ARHGEF10L: variants seen among roughly 807,000 people sequenced by gnomAD.
ARHGEF10L encodes rho guanine nucleotide exchange factor 10-like protein.
A neutral mutation model predicts 141.2 loss-of-function variants in ARHGEF10L; 69 were observed. The ratio of observed to expected loss-of-function variants is 0.49; its 90% confidence interval spans 0.40 to 0.60. The LOEUF (loss-of-function observed/expected upper bound fraction) is 0.60, where lower values mean the gene tolerates loss of function less well. ARHGEF10L is among the 20% of genes least tolerant of loss of function. The pLI is 0.00. For synonymous variants in ARHGEF10L, 711 were observed against 718.5 expected (o/e 0.99, Z 0.17); for missense variants, 1,482 against 1,734.3 (o/e 0.85, Z 2.58).
At position 17,656,472 on chromosome 1, in the gene ARHGEF10L, C is replaced by G. The variant is rs970480329; in HGVS notation, c.2706-82C>G. ...TGAGAGGGGTCAGCTCCCTGGGGCC[C>G]TCTCCCTAGGAGGGCATGGGGGCAG... On this transcript the variant is annotated intron_variant, in intron 24 of 28. Coordinates refer to ENST00000361221, the MANE Select transcript of ARHGEF10L (RefSeq NM_018125.4). This position sits in a 1 kb window ranked among gnomAD's most constrained non-coding sequence, Gnocchi z 4.9. The G allele has an allele frequency of 4.2e-5, 63 of 1,515,494 alleles. No homozygotes were observed. Among genetic ancestry groups the G allele is most frequent in the Non-Finnish European group, 5.2e-5 (58 of 1,119,260 alleles). 93.9% of individuals were successfully genotyped at this position (1,515,494 alleles called of 1,614,324 possible).
chr1:17,559,095 C>T (rs979204050), intron 1 of ARHGEF10L, among the ~76,000 whole-genome samples: 4 of 152,188 alleles, frequency 2.6e-5, no homozygotes, highest in African/African-American at 4.8e-5. Context: ...CCTTGGCCTC[C>T]GGAATCAGAC....
chr1:17,547,919 G>A (rs2076973542), intron 1 of ARHGEF10L, among the ~76,000 whole-genome samples: 1 of 152,210 alleles, frequency 6.6e-6, no homozygotes, highest in African/African-American at 2.4e-5. Flanking sequence ...TGGGTTCTGG[G>A]AGTAGACGCT....
chr1:17,594,020 G>A (rs544604889), intron 4 of ARHGEF10L, among the ~76,000 whole-genome samples: 26 of 150,592 alleles, frequency 1.7e-4, no homozygotes, highest in East Asian at 7.8e-4. Context: ...CTTCCCTTGC[G>A]TCTTCCTGTC....
the ARHGEF10L span, among the ~76,000 whole-genome samples, chr1:17,523,084 A>ATT: frequency 2.9e-3 from 335 of 115,446 alleles, 1 homozygote; most frequent in Admixed American, 4.3e-3. Flanking sequence ...TTTGTTTTCC[A>ATT]TTTTTTTTTT....
chr1:17,606,061 C>T (rs2081143550), intron 6 of ARHGEF10L, among the ~76,000 whole-genome samples: 2 of 152,246 alleles, frequency 1.3e-5, no homozygotes, highest in Admixed American at 1.3e-4. Flanking sequence ...CTGGGGGGCC[C>T]TGGGTCTATG....
At chr1:17,669,321 G>A (rs2063175218) in intron 26 of ARHGEF10L, among the ~76,000 whole-genome samples, 1 of 152,182 alleles carries the variant, frequency 6.6e-6, no homozygotes, top group African/African-American at 2.4e-5. Flanking sequence ...GGCTTTTTCT[G>A]ACTCCTCCCA....
chr1:17,681,718 G>A (rs978735630), intron 26 of ARHGEF10L, among the ~76,000 whole-genome samples: 6 of 152,186 alleles, frequency 3.9e-5, no homozygotes, highest in African/African-American at 1.4e-4. Context: ...TTAGGGTAGC[G>A]TCGGCTGGAT....
At chr1:17,688,445 A>G (rs1025965036) in intron 27 of ARHGEF10L, among the ~76,000 whole-genome samples, 2 of 152,316 alleles carry the variant, frequency 1.3e-5, no homozygotes, top group South Asian at 4.1e-4. Flanking sequence ...CTGGCTTCAG[A>G]GCAGACCACG....
Position 17,634,863 on chromosome 1 carries a change from C to T in ARHGEF10L, c.1774C>T (p.Pro592Ser), listed in dbSNP as rs763931803. The T allele has an allele frequency of 7.4e-6, 12 of 1,613,674 alleles. No homozygotes were observed. The highest frequency in any genetic ancestry group is 6.8e-6 in the Non-Finnish European group (8 of 1,179,862). Reference protein sequence around the residue: ...RGQLEISSLVPLGPKYVVKWN... With the variant: ...RGQLEISSLVSLGPKYVVKWN... ...CCAGCTGGAGATCAGCAGCCTGGTG[C>T]CCCTGGGGCCCAAGTATGTGGTGAA... The change falls in exon 18 of 29, where the codon CCC (proline) becomes TCC (serine). Residue 592 changes from proline to serine, a missense_variant. Pro to Ser is a moderately conservative substitution (Grantham distance 74). Coordinates refer to ENST00000361221, the MANE Select transcript of ARHGEF10L (RefSeq NM_018125.4).
intron 25 of ARHGEF10L, among the ~76,000 whole-genome samples, chr1:17,659,713 G>A (rs962887911): frequency 1.3e-5 from 2 of 152,236 alleles, no homozygotes; most frequent in African/African-American, 2.4e-5. Flanking sequence ...GCTGGTGTTT[G>A]AAGTGACATG....
In ARHGEF10L at chr1:17,638,697, G is replaced by GA; in HGVS notation, c.2171+9dup. ...TCCTGGGAAACCCGACAAGTGAGAG[G>GA]AGGGGGTCTTGGAGGGAGGGCTGCT... On this transcript the variant is annotated intron_variant, in intron 20 of 28. Transcript: ENST00000361221. 2 of 1,613,810 alleles carry GA rather than the reference G, an allele frequency of 1.2e-6. No individual in the cohort carries two copies. The highest frequency in any genetic ancestry group is 1.7e-6 in the Non-Finnish European group (2 of 1,179,974).
chr1:17,696,793 TCC>T (rs1319072234), intron 28 of ARHGEF10L, 53 bp from the exon 29 acceptor site: 1 of 1,487,162 alleles, frequency 6.7e-7, no homozygotes, highest in African/African-American at 1.4e-5. Context: ...CTCAGGTGCT[TCC>T]CTTAATGCGC....
At chr1:17,574,744 C>T (rs537618538) in intron 1 of ARHGEF10L, among the ~76,000 whole-genome samples, 2 of 152,354 alleles carry the variant, frequency 1.3e-5, no homozygotes, top group Non-Finnish European at 2.9e-5. Flanking sequence ...GGACTCTCCA[C>T]CAGGTGGCCC....
In ARHGEF10L at chr1:17,588,488, A is replaced by G; in HGVS notation, c.257+9A>G. The G allele has an allele frequency of 6.2e-7, 1 of 1,613,598 alleles. No individual in the cohort carries two copies. Among genetic ancestry groups the G allele is most frequent in the Non-Finnish European group, 8.5e-7 (1 of 1,179,794 alleles). ...GCTCCACCCGGCACAGGGTAAGTGA[A>G]CCTTGCTCCTTTGCTTTGGCGGTTG... On this transcript the variant is annotated intron_variant, in intron 4 of 28. Transcript: ENST00000361221.
chr1:17,562,928 C>T (rs546524622), intron 1 of ARHGEF10L, among the ~76,000 whole-genome samples: 35 of 152,220 alleles, frequency 2.3e-4, no homozygotes, highest in African/African-American at 7.9e-4. Flanking sequence ...CCACAGCAGG[C>T]GGCCATGGGA....
chr1:17,581,989 G>A (rs193128168), intron 2 of ARHGEF10L, among the ~76,000 whole-genome samples: 11 of 152,090 alleles, frequency 7.2e-5, no homozygotes, highest in East Asian at 1.9e-4. Flanking sequence ...CACAAGGACC[G>A]GGTCTGTCCA....
chr1:17,526,022 A>G, the ARHGEF10L span, among the ~76,000 whole-genome samples: 22 of 151,776 alleles, frequency 1.4e-4, no homozygotes, highest in Non-Finnish European at 2.9e-4. Context: ...AAAAAAAGAA[A>G]AGAAAAAAGA....
At position 17,656,134 on chromosome 1, in the gene ARHGEF10L, C is replaced by T. The variant is rs1352803252; in HGVS notation, c.2705+32C>T. 2 of 1,546,408 alleles carry T rather than the reference C, an allele frequency of 1.3e-6. No homozygotes were observed. The highest frequency in any genetic ancestry group is 2.3e-4 in the Middle Eastern group (1 of 4,442). ...GGCCCGGAAGGAGGGGTGAGAGCAG[C>T]CTCTGCAGGGCTGGGCAGTGGGTGG... is the stretch of plus-strand genomic sequence containing the variant. On this transcript the variant is annotated intron_variant, in intron 24 of 28. Coordinates refer to ENST00000361221, the MANE Select transcript of ARHGEF10L (RefSeq NM_018125.4). This position sits in a 1 kb window ranked among gnomAD's most constrained non-coding sequence, Gnocchi z 4.9.
chr1:17,560,330 C>T (rs1386884477), intron 1 of ARHGEF10L, among the ~76,000 whole-genome samples: 2 of 146,440 alleles, frequency 1.4e-5, no homozygotes, highest in Non-Finnish European at 3.1e-5. Flanking sequence ...TCCACACTTT[C>T]CCCACCTGGA....
Sources: allele counts gnomAD v4.1 joint callset (sites outside exome capture counted in the v4.1 genomes callset), GRCh38; gene constraint gnomAD v4.1.1; non-coding constraint Gnocchi (gnomAD v3.1); transcripts MANE v1.5; gene names NCBI Gene and HGNC (gene_info 2026-07-23, HGNC 2026-07-21).